SRGAP3: variants seen among roughly 807,000 people sequenced by gnomAD.
SRGAP3 encodes SLIT-ROBO Rho GTPase-activating protein 3.
SRGAP3 carries 39 observed loss-of-function variants against 121.1 expected under a neutral mutation model. The ratio of observed to expected loss-of-function variants is 0.32; its 90% CI spans 0.25 to 0.42. The LOEUF (loss-of-function observed/expected upper bound fraction) is 0.42, where lower values mean the gene tolerates loss of function less well. Among genes scored for constraint, SRGAP3 ranks in the 10% least tolerant of loss-of-function variants. The pLI is 1.00. For synonymous variants in SRGAP3, 601 were observed against 570.0 expected (o/e 1.05, Z -0.77); for missense variants, 1,213 against 1,470.6 (o/e 0.82, Z 2.86).
chr3:9,102,576 A>C (rs541604798), intron 3 of SRGAP3, among the ~76,000 whole-genome samples: 2 of 152,344 alleles, frequency 1.3e-5, no homozygotes, highest in East Asian at 3.9e-4. Context: ...TTCCGAAATT[A>C]GGTGTAACTG....
At chr3:9,333,023 G>T (rs1163199975) in intron 1 of SRGAP3, among the ~76,000 whole-genome samples, 6 of 151,970 alleles carry the variant, frequency 3.9e-5, no homozygotes, top group Non-Finnish European at 1.5e-5. Context: ...ACAATGGCAG[G>T]GGGAAAAAAT....
upstream of SRGAP3, among the ~76,000 whole-genome samples, chr3:9,251,804 AG>A (rs1326890371): frequency 6.6e-6 from 1 of 152,126 alleles, no homozygotes; most frequent in Non-Finnish European, 1.5e-5. Flanking sequence ...TGGGTTTTGG[AG>A]TAAGTCAGAT....
chr3:9,108,276 C>T (rs551351505), intron 2 of SRGAP3, among the ~76,000 whole-genome samples: 59 of 152,112 alleles, frequency 3.9e-4, no homozygotes, highest in Non-Finnish European at 6.9e-4. Flanking sequence ...GCGTGGTACT[C>T]ATATTTTTAT....
chr3:9,121,513 T>G (rs1949003197), intron 2 of SRGAP3, among the ~76,000 whole-genome samples: 1 of 152,108 alleles, frequency 6.6e-6, no homozygotes, highest in Admixed American at 6.5e-5. Context: ...GCCATCACAT[T>G]AGCATCGTGC....
chr3:9,306,060 C>T (rs1250404639), intron 3 of SRGAP3, among the ~76,000 whole-genome samples: 1 of 151,978 alleles, frequency 6.6e-6, no homozygotes, highest in Non-Finnish European at 1.5e-5. Context: ...TTCTCCACAT[C>T]CTCTCCATCA....
chr3:9,033,010 G>A (rs1262057095), intron 11 of SRGAP3, among the ~76,000 whole-genome samples: 1 of 152,122 alleles, frequency 6.6e-6, no homozygotes, highest in African/African-American at 2.4e-5. Flanking sequence ...GGGGAATATA[G>A]TACATGTGCA....
At chr3:9,278,610 A>T (rs963726852) in intron 3 of SRGAP3, among the ~76,000 whole-genome samples, 5 of 152,200 alleles carry the variant, frequency 3.3e-5, no homozygotes, top group Non-Finnish European at 7.3e-5. Context: ...TGTGTCACAA[A>T]CGTAAGATTA....
chr3:9,227,615 G>A (rs372514884), intron 1 of SRGAP3, among the ~76,000 whole-genome samples: 1 of 152,178 alleles, frequency 6.6e-6, no homozygotes, highest in East Asian at 1.9e-4. Context: ...ACACTGTTTG[G>A]GCAGAATTAC....
At position 9,129,401 on chromosome 3, in the gene SRGAP3, T is replaced by C. The variant is rs190530584; in HGVS notation, c.68-4484A>G. Among the ~76,000 whole-genome samples, 15 of 150,742 alleles carry C rather than the reference T, an allele frequency of 1.0e-4. No individual in the cohort carries two copies. The East Asian group carries it at 2.9e-3, about 29-fold the overall frequency. ...ATTAAAGAATGAGACATTTTAGATG[T>C]CAACTTAAAATGTGTGAAGCAGAAG... is the stretch of plus-strand genomic sequence containing the variant. On this transcript the variant is annotated intron_variant, in intron 1 of 21. Coordinates refer to ENST00000383836, the MANE Select transcript of SRGAP3 (RefSeq NM_014850.4).
intron 3 of SRGAP3, among the ~76,000 whole-genome samples, chr3:9,305,480 T>A (rs1453695105): frequency 6.6e-6 from 1 of 151,776 alleles, no homozygotes; most frequent in Non-Finnish European, 1.5e-5. Context: ...TACATAGGTA[T>A]ACATGTGCCA....
At chr3:9,123,233 G>A (rs1383794816) in intron 2 of SRGAP3, among the ~76,000 whole-genome samples, 1 of 152,130 alleles carries the variant, frequency 6.6e-6, no homozygotes, top group Non-Finnish European at 1.5e-5. Context: ...TTCAGTGGAG[G>A]AAGATGTAAA....
chr3:9,046,749 G>A (rs1200470734), intron 10 of SRGAP3, among the ~76,000 whole-genome samples: 1 of 152,110 alleles, frequency 6.6e-6, no homozygotes, highest in African/African-American at 2.4e-5. Flanking sequence ...CTCCCTACCT[G>A]ATGGATGCCC....
At position 8,990,681 on chromosome 3, in the gene SRGAP3, A is replaced by G. The variant is rs1010825130; in HGVS notation, c.2717T>C (p.Ile906Thr). 1 of 1,612,718 alleles carries G rather than the reference A, an allele frequency of 6.2e-7. No homozygotes were observed. The highest frequency in any genetic ancestry group is 1.7e-5 in the Admixed American group (1 of 59,950). ...CATCCTCCGCTTCTCAGGGCTCTCG[A>G]TCCTCCCCCGGGTGAGGGGGATTTT... ...PHKIPLTRGR[I>T]ESPEKRRMAT... is the part of the protein sequence containing the mutation. Residue 906 changes from isoleucine (I) to threonine (T), a missense_variant, in exon 21 of 22, where the codon ATC (isoleucine) becomes ACC (threonine). Ile to Thr is a moderately conservative substitution (Grantham distance 89). This residue lies in a region of SRGAP3 where 420 missense variants were observed against 437.7 expected (regional missense o/e 0.96). Coordinates refer to ENST00000383836, the MANE Select transcript of SRGAP3 (RefSeq NM_014850.4).
chr3:9,204,540 G>A (rs1952194062), intron 1 of SRGAP3, among the ~76,000 whole-genome samples: 2 of 152,276 alleles, frequency 1.3e-5, no homozygotes, highest in South Asian at 2.1e-4. Flanking sequence ...GAGGAGGGAG[G>A]GTGTGTACAC....
intron 1 of SRGAP3, among the ~76,000 whole-genome samples, chr3:9,130,462 C>T (rs937582683): frequency 6.6e-6 from 1 of 152,170 alleles, no homozygotes; most frequent in Non-Finnish European, 1.5e-5. Flanking sequence ...GCAGTGAGTG[C>T]TACTAGTGTT....
intron 3 of SRGAP3, among the ~76,000 whole-genome samples, chr3:9,087,777 C>G (rs1314965166): frequency 6.6e-6 from 1 of 152,060 alleles, no homozygotes; most frequent in East Asian, 1.9e-4. Flanking sequence ...TTAAGATGAC[C>G]AGGGCTACGC....
At chr3:8,998,108 C>T (rs1052321428) in intron 18 of SRGAP3, among the ~76,000 whole-genome samples, 2 of 152,132 alleles carry the variant, frequency 1.3e-5, no homozygotes, top group Non-Finnish European at 2.9e-5. Context: ...AGGCTGGTCT[C>T]GAACTTCTGG....
In SRGAP3 at chr3:9,237,206, C is replaced by T. The variant is rs185019012; in HGVS notation, c.67+11679G>A. ...ACAAGAACACCTATAATCATTCATT[C>T]GTTCAACAAAAATTGTGACCATTGG... is the stretch of plus-strand genomic sequence containing the variant. On this transcript the variant is annotated intron_variant, in intron 1 of 21. Transcript: ENST00000383836. Among the ~76,000 whole-genome samples, 483 of 152,324 alleles carry T rather than the reference C, an allele frequency of 3.2e-3. 13 individuals are homozygous for T. Among genetic ancestry groups the T allele is most frequent in the Non-Finnish European group, 6.8e-4 (46 of 68,032 alleles).
At chr3:8,999,720 T>C (rs1404118321) in intron 18 of SRGAP3, among the ~76,000 whole-genome samples, 1 of 152,162 alleles carries the variant, frequency 6.6e-6, no homozygotes, top group Non-Finnish European at 1.5e-5. Flanking sequence ...CCCTCTTTTC[T>C]CCCCTTCTCA....
Sources: gnomAD v4.1 joint callset for allele counts (sites outside exome capture counted in the v4.1 genomes callset) on GRCh38, gnomAD v4.1.1 for gene constraint, gnomAD v4.1.1 regional missense constraint, MANE v1.5 for transcripts, NCBI Gene and HGNC (gene_info 2026-07-23, HGNC 2026-07-21) for gene names.